Variants in RPSA2 observed in about 807,000 individuals in gnomAD.
RPSA2 encodes the protein ribosomal protein SA 2.
chr19:23,807,866 T>C, the RPSA2 span: 3 of 430,738 alleles, frequency 7.0e-6, no homozygotes, highest in Non-Finnish European at 9.3e-6. Context: ...GAATTCTCTC[T>C]GGAGGAGTAG....
the RPSA2 span, among the ~76,000 whole-genome samples, chr19:23,775,080 A>G: frequency 1.2e-4 from 18 of 152,338 alleles, no homozygotes; most frequent in East Asian, 2.5e-3. Context: ...TCCCCTTTGT[A>G]GGAAGGTCAG....
At chr19:23,758,717 C>CT in the RPSA2 span, 1 of 1,614,214 alleles carries the variant, frequency 6.2e-7, no homozygotes, top group Non-Finnish European at 8.5e-7. Flanking sequence ...CCCTTCCCCT[C>CT]TCTCGGGATG....
At chr19:23,787,380 A>G in the RPSA2 span, among the ~76,000 whole-genome samples, 1 of 151,866 alleles carries the variant, frequency 6.6e-6, no homozygotes, top group Non-Finnish European at 1.5e-5. Flanking sequence ...AGGGAAGTGG[A>G]TCACAAGGTC....
At chr19:23,836,213 C>T in the RPSA2 span, among the ~76,000 whole-genome samples, 1 of 152,178 alleles carries the variant, frequency 6.6e-6, no homozygotes, top group Non-Finnish European at 1.5e-5. Context: ...ATTCTCATAG[C>T]TTACCTCCCA....
the RPSA2 span, among the ~76,000 whole-genome samples, chr19:23,823,281 A>AT: frequency 2.6e-5 from 4 of 152,202 alleles, no homozygotes; most frequent in East Asian, 7.7e-4. Flanking sequence ...CAACACATTC[A>AT]TTCTTCCTTT....
the RPSA2 span, among the ~76,000 whole-genome samples, chr19:23,813,345 A>G: frequency 6.6e-6 from 1 of 152,116 alleles, no homozygotes; most frequent in Non-Finnish European, 1.5e-5. Context: ...AATATCCATT[A>G]AATAACATTT....
the RPSA2 span, among the ~76,000 whole-genome samples, chr19:23,762,572 A>G: frequency 6.7e-6 from 1 of 150,374 alleles, no homozygotes; most frequent in African/African-American, 2.4e-5. Context: ...GCTACTCGGG[A>G]GGCTGAGGCA....
the RPSA2 span, among the ~76,000 whole-genome samples, chr19:23,856,905 C>CA: frequency 6.6e-6 from 1 of 152,160 alleles, no homozygotes; most frequent in African/African-American, 2.4e-5. Context: ...GGTCTATGTT[C>CA]AGCGGTGCAC....
the RPSA2 span, among the ~76,000 whole-genome samples, chr19:23,785,707 T>C: frequency 0.98 from 148,867 of 152,198 alleles, 72,899 homozygotes; most frequent in Middle Eastern, 1. Flanking sequence ...GTGATGTTAC[T>C]CTCCTCCTTT....
chr19:23,856,657 GTTCT>G, the RPSA2 span, among the ~76,000 whole-genome samples: 2 of 152,100 alleles, frequency 1.3e-5, no homozygotes, highest in East Asian at 1.9e-4. Context: ...TTCAACATAG[GTTCT>G]TTCTATTTTC....
the RPSA2 span, among the ~76,000 whole-genome samples, chr19:23,779,504 A>G: frequency 6.6e-6 from 1 of 152,214 alleles, no homozygotes; most frequent in Non-Finnish European, 1.5e-5. Context: ...CACATGGATC[A>G]TAAGCATGGG....
the RPSA2 span, among the ~76,000 whole-genome samples, chr19:23,822,144 C>T: frequency 0.013 from 1,993 of 152,258 alleles, 22 homozygotes; most frequent in Middle Eastern, 0.048. Context: ...CCCATCAATT[C>T]GCTGGAGTAC....
At chr19:23,811,388 ATTCTTT>A in the RPSA2 span, among the ~76,000 whole-genome samples, 1 of 152,126 alleles carries the variant, frequency 6.6e-6, no homozygotes, top group Admixed American at 6.5e-5. Flanking sequence ...ACTGTAAGCA[ATTCTTT>A]AATGTATCAT....
chr19:23,799,174 TTTC>T, the RPSA2 span: 1 of 152,218 alleles, frequency 6.6e-6, no homozygotes. Flanking sequence ...ATTTCAGTTT[TTTC>T]TTAAGATGCT....
the RPSA2 span, among the ~76,000 whole-genome samples, chr19:23,768,154 T>G: frequency 1.3e-5 from 2 of 152,004 alleles, no homozygotes; most frequent in South Asian, 2.1e-4. Context: ...AAGGTATATT[T>G]CAGAAAAATC....
At chr19:23,783,048 T>G in the RPSA2 span, among the ~76,000 whole-genome samples, 3 of 151,350 alleles carry the variant, frequency 2.0e-5, no homozygotes, top group Non-Finnish European at 2.9e-5. Context: ...ATGGTGTTAC[T>G]CTCCTCTCCT....
the RPSA2 span, chr19:23,832,559 C>A: frequency 1.1e-6 from 1 of 907,766 alleles, no homozygotes; most frequent in Non-Finnish European, 1.6e-6. Context: ...CTACAAATGT[C>A]AAGAATGTGG....
chr19:23,811,150 C>G, the RPSA2 span, among the ~76,000 whole-genome samples: 2 of 151,992 alleles, frequency 1.3e-5, no homozygotes, highest in Admixed American at 6.6e-5. Context: ...TCCCGAGTAG[C>G]TGGGATTACA....
chr19:23,857,485 C>CTTT, the RPSA2 span, among the ~76,000 whole-genome samples: 737 of 95,204 alleles, frequency 7.7e-3, 3 homozygotes, highest in East Asian at 0.011. Context: ...TTTTTAAAGT[C>CTTT]TTTTTTTTTT....
Sources: gnomAD v4.1 joint callset for allele counts (sites outside exome capture counted in the v4.1 genomes callset) on GRCh38, gnomAD v4.1.1 for gene constraint, MANE v1.5 for transcripts, NCBI Gene and HGNC (gene_info 2026-07-23, HGNC 2026-07-21) for gene names.